ACSL3: variants seen among roughly 807,000 people sequenced by gnomAD.
ACSL3 encodes fatty acid CoA ligase Acsl3.
ACSL3 carries 34 observed loss-of-function variants against 84.7 expected under a neutral mutation model. That is an observed-to-expected ratio of 0.40 (90% CI 0.31 to 0.53). The LOEUF is 0.53. ACSL3 is among the 20% of genes least tolerant of loss of function. The pLI is 0.48. For synonymous variants in ACSL3, 315 were observed against 299.4 expected, an observed-to-expected ratio of 1.05 and a Z score of -0.54; for missense variants, 680 against 873.1, an observed-to-expected ratio of 0.78 and a Z score of 2.79.
intron 4 of ACSL3, chr2:222,909,864 A>G (rs567440876): frequency 2.0e-5 from 3 of 152,284 alleles, no homozygotes; most frequent in East Asian, 1.9e-4. Context: ...CAGTTACCCT[A>G]TGAGTTAGTT....
intron 16 of ACSL3, among the ~76,000 whole-genome samples, chr2:222,935,484 A>G (rs1697148063): frequency 1.3e-5 from 2 of 152,310 alleles, no homozygotes; most frequent in Middle Eastern, 3.4e-3. Flanking sequence ...CTGGGACTAC[A>G]AGCATGTGTC....
intron 2 of ACSL3, among the ~76,000 whole-genome samples, chr2:222,896,835 C>CT (rs1400443439): frequency 5.6e-5 from 1 of 17,850 alleles, no homozygotes; most frequent in Non-Finnish European, 8.6e-5. Context: ...GGGCTGACCC[C>CT]CCCACCTCCC....
At chr2:222,883,059 C>T (rs1383494769) in intron 1 of ACSL3, among the ~76,000 whole-genome samples, 1 of 151,388 alleles carries the variant, frequency 6.6e-6, no homozygotes, top group East Asian at 2.0e-4. Flanking sequence ...TGAGCCACCA[C>T]ACCTGGCCCA....
chr2:222,922,554 G>GTCTCTCTCTC (rs56044904), intron 8 of ACSL3, among the ~76,000 whole-genome samples, 154 bp from the exon 9 acceptor site: 2 of 150,688 alleles, frequency 1.3e-5, no homozygotes, highest in African/African-American at 2.4e-5. Context: ...GTTTTCACCT[G>GTCTCTCTCTC]TCTCTCTCTC....
chr2:222,882,985 G>A (rs370111132), intron 1 of ACSL3, among the ~76,000 whole-genome samples: 10 of 95,228 alleles, frequency 1.1e-4, no homozygotes, highest in African/African-American at 3.0e-4. Flanking sequence ...GCCAGGATGG[G>A]CTCGAATCTC....
chr2:222,913,562 C>T (rs562368441), intron 4 of ACSL3, among the ~76,000 whole-genome samples: 145 of 152,224 alleles, frequency 9.5e-4, no homozygotes, highest in African/African-American at 3.3e-3. Flanking sequence ...AGCCTCCCCC[C>T]GCCTTTTTTT....
intron 2 of ACSL3, among the ~76,000 whole-genome samples, chr2:222,895,422 A>G (rs1221720322): frequency 6.6e-6 from 1 of 152,016 alleles, no homozygotes; most frequent in Non-Finnish European, 1.5e-5. Flanking sequence ...TATTTATGTT[A>G]AAAACAAAAG....
At chr2:222,928,155 TA>T (rs1696930557) in intron 12 of ACSL3, among the ~76,000 whole-genome samples, 2 of 152,232 alleles carry the variant, frequency 1.3e-5, no homozygotes, top group South Asian at 4.1e-4. Flanking sequence ...CATAATGCAA[TA>T]GTAATTCATA....
intron 1 of ACSL3, among the ~76,000 whole-genome samples, chr2:222,878,143 T>G (rs926500104): frequency 6.6e-6 from 1 of 152,212 alleles, no homozygotes; most frequent in Non-Finnish European, 1.5e-5. Context: ...AGCACAGTAA[T>G]GGACATGAGA....
chr2:222,930,276 A>G (rs1364171502), intron 13 of ACSL3, among the ~76,000 whole-genome samples: 2 of 152,202 alleles, frequency 1.3e-5, no homozygotes, highest in East Asian at 1.9e-4. Flanking sequence ...GCATGACTTA[A>G]TACTTCTGTC....
chr2:222,875,703 T>C (rs1695428744), intron 1 of ACSL3, among the ~76,000 whole-genome samples: 1 of 152,204 alleles, frequency 6.6e-6, no homozygotes, highest in African/African-American at 2.4e-5. Flanking sequence ...ATGGCCTTAC[T>C]GATTGCTGCT....
chr2:222,887,522 A>G (rs1469051722), intron 1 of ACSL3, among the ~76,000 whole-genome samples: 2 of 152,206 alleles, frequency 1.3e-5, no homozygotes, highest in East Asian at 3.9e-4. Flanking sequence ...TGGCTGTACC[A>G]TTTTGCATTC....
chr2:222,927,290 T>G, intron 12 of ACSL3, 101 bp downstream of exon 12: 1 of 1,230,312 alleles, frequency 8.1e-7, no homozygotes, highest in Non-Finnish European at 1.1e-6. Flanking sequence ...AGTAAGGTGT[T>G]TGTGAGGCAG....
At chr2:222,901,513 G>T (rs1696150025) in intron 3 of ACSL3, among the ~76,000 whole-genome samples, 1 of 150,498 alleles carries the variant, frequency 6.6e-6, no homozygotes, top group East Asian at 2.0e-4. Context: ...TCTTTTTCAA[G>T]ATTGTTTGGC....
At chr2:222,920,588 C>T (rs915402360) in intron 7 of ACSL3, among the ~76,000 whole-genome samples, 3 of 152,210 alleles carry the variant, frequency 2.0e-5, no homozygotes, top group Non-Finnish European at 4.4e-5. Flanking sequence ...AGTTGAATTA[C>T]TGGGATAATC....
chr2:222,923,327 T>G (rs1696788003), intron 10 of ACSL3, among the ~76,000 whole-genome samples, 178 bp downstream of exon 10: 1 of 152,400 alleles, frequency 6.6e-6, no homozygotes, highest in South Asian at 2.1e-4. Context: ...TAGCTTGCTT[T>G]CTTATTTACT....
chr2:222,892,088 G>T (rs1321047002), intron 2 of ACSL3, among the ~76,000 whole-genome samples: 1 of 152,198 alleles, frequency 6.6e-6, no homozygotes, highest in East Asian at 1.9e-4. Context: ...TTGCAACTGT[G>T]TGGGCATAGT....
chr2:222,919,510 T>A (rs1213485229), intron 7 of ACSL3: 4 of 216,038 alleles, frequency 1.9e-5, no homozygotes. Flanking sequence ...TTATAAATAA[T>A]GACATTTATC....
At chr2:222,886,478 CAGT>C (rs1695725202) in intron 1 of ACSL3, among the ~76,000 whole-genome samples, 1 of 152,134 alleles carries the variant, frequency 6.6e-6, no homozygotes, top group Non-Finnish European at 1.5e-5. Flanking sequence ...GTTAATGAAG[CAGT>C]GGTATGTTGA....
Sources: gnomAD v4.1 joint callset for allele counts (sites outside exome capture counted in the v4.1 genomes callset) on GRCh38, gnomAD v4.1.1 for gene constraint, MANE v1.5 for transcripts, NCBI Gene and HGNC (gene_info 2026-07-23, HGNC 2026-07-21) for gene names.